Variants in ARL13B observed in about 807,000 individuals in gnomAD.
ARL13B encodes ARF like GTPase 13B.
In ARL13B, 36 loss-of-function variants were observed where a neutral mutation model predicts 56.1. That is an observed-to-expected ratio of 0.64 (90% confidence interval 0.49 to 0.85). The LOEUF is 0.85. Ranked by LOEUF, ARL13B falls within the 40% of genes least tolerant of loss-of-function variation. ARL13B has a pLI of 0.00. For missense variants in ARL13B, 519 were observed against 507.1 expected, an observed-to-expected ratio of 1.02 and a Z score of -0.23; for synonymous variants, 178 against 171.1, an observed-to-expected ratio of 1.04 and a Z score of -0.32.
Position 94,055,422 on chromosome 3 carries a change from A to C in ARL13B, c.*2159A>C, listed in dbSNP as rs367892014. 1 of 452,726 alleles carries C rather than the reference A, an allele frequency of 2.2e-6. No individual in the cohort carries two copies. The highest frequency in any genetic ancestry group is 1.6e-5 in the South Asian group (1 of 64,244). 28.0% of individuals were successfully genotyped at this position (452,726 alleles called of 1,614,324 possible). On this transcript the variant is annotated 3_prime_UTR_variant, in exon 10 of 10. Transcript: ENST00000394222. The stretch of plus-strand genomic sequence containing the variant: ...GCATTTTTTTGATACTTTACACACA[A>C]AACTTTTTTCTCTCTGCAAGTTTTT...
chr3:94,047,387 G>A (rs750974015), intron 7 of ARL13B, among the ~76,000 whole-genome samples: 1 of 152,146 alleles, frequency 6.6e-6, no homozygotes, highest in Non-Finnish European at 1.5e-5. Flanking sequence ...TACAGTGGTC[G>A]CTAAGTTTTT....
chr3:94,023,111 AGTGTACCATAGCT>A (rs893762282), intron 3 of ARL13B, among the ~76,000 whole-genome samples: 111 of 151,880 alleles, frequency 7.3e-4, no homozygotes, highest in African/African-American at 2.6e-3. Flanking sequence ...TTGATTTGGG[AGTGTACCATAGCT>A]CCTTTTCAAA....
At chr3:93,996,268 T>C (rs1268408712) in intron 2 of ARL13B, among the ~76,000 whole-genome samples, 1 of 152,172 alleles carries the variant, frequency 6.6e-6, no homozygotes, top group Admixed American at 6.5e-5. Flanking sequence ...AGAATACCCA[T>C]CTTCTACTTA....
chr3:94,013,987 C>A (rs1644758625), intron 3 of ARL13B, among the ~76,000 whole-genome samples: 1 of 152,108 alleles, frequency 6.6e-6, no homozygotes, highest in African/African-American at 2.4e-5. Context: ...TTTGGTTTAG[C>A]TTTATTGTAG....
intron 3 of ARL13B, among the ~76,000 whole-genome samples, chr3:94,004,806 TATTTA>T (rs1249170884): frequency 2.0e-5 from 3 of 152,120 alleles, no homozygotes; most frequent in African/African-American, 4.8e-5. Context: ...AATTTTTATA[TATTTA>T]ATTAGAGAAG....
At position 93,982,174 on chromosome 3, in the gene ARL13B, A is replaced by G. The variant is rs1481298275; in HGVS notation, c.59+1692A>G. On this transcript the variant is annotated intron_variant, in intron 1 of 9. Coordinates refer to ENST00000394222, the MANE Select transcript of ARL13B (RefSeq NM_001174150.2). ...CTTTCCTTTTCTTAGCAGCTTTTGT[A>G]TATATACTCTCTGGAATGATTTGTT... Among the ~76,000 whole-genome samples the G allele has an allele frequency of 9.2e-5, 14 of 152,320 alleles. No individual in the cohort carries two copies. The East Asian group carries it at 2.5e-3, about 27-fold the overall frequency.
chr3:94,026,710 T>C (rs772405964), intron 3 of ARL13B, among the ~76,000 whole-genome samples: 7 of 152,182 alleles, frequency 4.6e-5, no homozygotes, highest in Non-Finnish European at 1.0e-4. Context: ...AATTACTATT[T>C]TATGCAGTCT....
chr3:94,042,169 C>T (rs781629705), intron 6 of ARL13B, among the ~76,000 whole-genome samples: 26 of 152,092 alleles, frequency 1.7e-4, no homozygotes, highest in Admixed American at 3.9e-4. Context: ...TGTATTAATA[C>T]GGCAGAGATG....
At chr3:94,030,692 T>A (rs1006844220) in intron 3 of ARL13B, among the ~76,000 whole-genome samples, 1 of 152,194 alleles carries the variant, frequency 6.6e-6, no homozygotes. Flanking sequence ...TATTATTGAC[T>A]CTGCATCTCT....
At chr3:94,029,334 A>ATATATATTTTTTTT (rs2076625062) in intron 3 of ARL13B, among the ~76,000 whole-genome samples, 1 of 53,412 alleles carries the variant, frequency 1.9e-5, no homozygotes, top group Non-Finnish European at 3.5e-5. Flanking sequence ...ATATATATAT[A>ATATATATTTTTTTT]TTTATTTTTT....
chr3:93,990,463 A>G (rs867742524), intron 1 of ARL13B, among the ~76,000 whole-genome samples: 8 of 152,204 alleles, frequency 5.3e-5, no homozygotes, highest in Admixed American at 1.3e-4. Flanking sequence ...TGTTGTATAT[A>G]CAATAGCCTG....
chr3:94,014,969 G>T (rs2076299005), intron 3 of ARL13B: 1 of 1,613,814 alleles, frequency 6.2e-7, no homozygotes, highest in African/African-American at 1.3e-5. Flanking sequence ...TATTCTGCCT[G>T]AATTTTTATC....
At chr3:94,026,721 G>T (rs2076565861) in intron 3 of ARL13B, among the ~76,000 whole-genome samples, 1 of 152,130 alleles carries the variant, frequency 6.6e-6, no homozygotes, top group Non-Finnish European at 1.5e-5. Context: ...TATGCAGTCT[G>T]TTATGTACCT....
chr3:94,035,100 G>A (rs527746011), intron 3 of ARL13B, among the ~76,000 whole-genome samples: 3 of 152,218 alleles, frequency 2.0e-5, no homozygotes, highest in East Asian at 1.9e-4. Flanking sequence ...AGCCTCGCGT[G>A]GTGGCACACA....
chr3:93,986,133 GTTC>G (rs780128382), intron 1 of ARL13B, among the ~76,000 whole-genome samples: 13 of 152,026 alleles, frequency 8.6e-5, no homozygotes, highest in Non-Finnish European at 1.3e-4. Flanking sequence ...TATCCCCCTA[GTTC>G]TTCTTGATTA....
chr3:93,981,368 G>T (rs1217695060), intron 1 of ARL13B, among the ~76,000 whole-genome samples: 5 of 145,280 alleles, frequency 3.4e-5, no homozygotes, highest in Admixed American at 2.8e-4. Flanking sequence ...AAGCAAAGTT[G>T]TTTTTTTTTT....
At chr3:94,033,896 T>C (rs1437364011) in intron 3 of ARL13B, among the ~76,000 whole-genome samples, 1 of 152,140 alleles carries the variant, frequency 6.6e-6, no homozygotes, top group Non-Finnish European at 1.5e-5. Context: ...AGGAAGATAT[T>C]AGCCAAATCC....
Position 94,054,458 on chromosome 3 carries a change from T to C in ARL13B, c.*1195T>C. 1 of 357,360 alleles carries C rather than the reference T, an allele frequency of 2.8e-6. No homozygotes were observed. Among genetic ancestry groups the C allele is most frequent in the Non-Finnish European group, 5.4e-6 (1 of 184,422 alleles). 22.1% of individuals were successfully genotyped at this position (357,360 alleles called of 1,614,324 possible). On this transcript the variant is annotated 3_prime_UTR_variant, in exon 10 of 10. Transcript: ENST00000394222. ...TAGATGTATATTTTTAATAATAGAT[T>C]CATAATGTTACATTTAATTGAAAAC...
intron 3 of ARL13B, among the ~76,000 whole-genome samples, chr3:94,022,317 G>A (rs1211828803): frequency 6.6e-6 from 1 of 151,930 alleles, no homozygotes; most frequent in Admixed American, 6.6e-5. Flanking sequence ...ATAGAGATGG[G>A]GTTTTACCAT....
Sources: allele counts gnomAD v4.1 joint callset (sites outside exome capture counted in the v4.1 genomes callset), GRCh38; gene constraint gnomAD v4.1.1; transcripts MANE v1.5; gene names NCBI Gene and HGNC (gene_info 2026-07-23, HGNC 2026-07-21).